CRCP: variants seen among roughly 807,000 people sequenced by gnomAD.
CRCP encodes DNA-directed RNA polymerase III subunit RPC9.
CRCP carries 18 observed loss-of-function variants against 18.5 expected under a neutral mutation model. The observed-to-expected ratio is 0.97, with a 90% CI of 0.67 to 1.44. The LOEUF (loss-of-function observed/expected upper bound fraction) is 1.44. Among genes scored for constraint, CRCP ranks in the 40% most tolerant of loss-of-function variants. CRCP has a pLI of 0.00. For synonymous variants in CRCP, 53 were observed against 62.9 expected (o/e 0.84, Z 0.75); for missense variants, 130 against 176.4 (o/e 0.74, Z 1.49).
intron 1 of CRCP, among the ~76,000 whole-genome samples, chr7:66,116,324 G>A (rs1787260464): frequency 6.6e-6 from 1 of 151,258 alleles, no homozygotes; most frequent in Admixed American, 6.6e-5. Flanking sequence ...GGGAGACCCT[G>A]TCTCTGCAAA....
chr7:66,153,675 A>G lies in CRCP; in HGVS notation c.*1318A>G, dbSNP rs1024487666. On this transcript the variant is annotated 3_prime_UTR_variant, in exon 6 of 6. Transcript: ENST00000395326. ...TGCTAATTGGATTACTTCTCTTCCAACCCTCCTGCCCGTCCATCCATCCCA... is the reference window on the plus strand; with the variant it reads ...TGCTAATTGGATTACTTCTCTTCCAGCCCTCCTGCCCGTCCATCCATCCCA... The G allele has an allele frequency of 1.3e-5, 2 of 151,708 alleles. No individual in the cohort carries two copies. Among genetic ancestry groups the G allele is most frequent in the African/African-American group, 2.4e-5 (1 of 41,262 alleles). 9.4% of individuals were successfully genotyped at this position (151,708 alleles called of 1,614,324 possible). A position where few individuals can be genotyped will look rare whatever the true frequency, so the allele number is the denominator to read the frequency against.
intron 5 of CRCP, among the ~76,000 whole-genome samples, 169 bp from the exon 6 acceptor site, chr7:66,152,039 G>A (rs1562775145): frequency 6.6e-6 from 1 of 152,154 alleles, no homozygotes; most frequent in Admixed American, 6.6e-5. Context: ...AGTCCAGGAT[G>A]TGACTTGGCT....
At position 66,152,201 on chromosome 7, in the gene CRCP, T is replaced by C; in HGVS notation, c.298-7T>C. 3 of 1,613,954 alleles carry C rather than the reference T, an allele frequency of 1.9e-6. No individual in the cohort carries two copies. Among genetic ancestry groups the C allele is most frequent in the East Asian group, 2.2e-5 (1 of 44,886 alleles). ...GTAACCCTGGAGGATTTTCTTTCCT[T>C]CTGCAGATGGTGGAAGAGAGTGAAG... On this transcript the variant is annotated splice_region_variant and splice_polypyrimidine_tract_variant and intron_variant, in intron 5 of 5. Transcript: ENST00000395326.
At chr7:66,146,246 G>A (rs316322) in intron 5 of CRCP, among the ~76,000 whole-genome samples, 51 of 152,052 alleles carry the variant, frequency 3.4e-4, no homozygotes, top group Admixed American at 3.1e-3. Flanking sequence ...TGTGAAGTCC[G>A]CTTTGTACTG....
intron 5 of CRCP, among the ~76,000 whole-genome samples, chr7:66,150,354 G>GAATCTCTGTCTAAAAAAAAAAA (rs57066308): frequency 6.8e-6 from 1 of 146,526 alleles, no homozygotes. Context: ...CAACAAGAGT[G>GAATCTCTGTCTAAAAAAAAAAA]AAGGGGGGGA....
At chr7:66,151,757 T>TC (rs1788481200) in intron 5 of CRCP, among the ~76,000 whole-genome samples, 1 of 143,660 alleles carries the variant, frequency 7.0e-6, no homozygotes, top group African/African-American at 2.6e-5. Context: ...CTTTTCTTTT[T>TC]TTTTTTTTTT....
chr7:66,130,559 A>G (rs942185058), intron 2 of CRCP, among the ~76,000 whole-genome samples, 185 bp from the exon 3 acceptor site: 2 of 152,226 alleles, frequency 1.3e-5, no homozygotes, highest in African/African-American at 4.8e-5. Context: ...ATATAAAAGA[A>G]CATTTTTTAA....
rs538197442 is a variant in CRCP, at chr7:66,149,831, G to A, written c.298-2377G>A. Among the ~76,000 whole-genome samples the A allele has an allele frequency of 2.6e-5, 4 of 152,160 alleles. No homozygotes were observed. In the South Asian group the frequency reaches 8.3e-4, roughly 32 times the overall value. ...CACCTTTTTTTTCCCCAAAGAGAGT[G>A]GGTCTTACTCTGTCACCCAGGCTGG... On this transcript the variant is annotated intron_variant, in intron 5 of 5. Coordinates refer to ENST00000395326, the MANE Select transcript of CRCP (RefSeq NM_014478.5).
At chr7:66,143,403 C>A (rs1292773013) in intron 4 of CRCP, among the ~76,000 whole-genome samples, 1 of 152,186 alleles carries the variant, frequency 6.6e-6, no homozygotes, top group Admixed American at 6.5e-5. Context: ...GACTCTTTCA[C>A]CCCATGTCCC....
At chr7:66,149,111 T>C (rs958726319) in intron 5 of CRCP, among the ~76,000 whole-genome samples, 12 of 152,350 alleles carry the variant, frequency 7.9e-5, no homozygotes, top group Non-Finnish European at 1.8e-4. Context: ...ATACTTTGGA[T>C]TTTTAAGTTT....
intron 2 of CRCP, among the ~76,000 whole-genome samples, chr7:66,129,879 G>A (rs1158453021): frequency 6.6e-6 from 1 of 152,006 alleles, no homozygotes; most frequent in Non-Finnish European, 1.5e-5. Flanking sequence ...CACTTCTGTG[G>A]TAGAATCTCT....
At chr7:66,133,553 A>G (rs13310597) in intron 3 of CRCP, among the ~76,000 whole-genome samples, 15,650 of 151,516 alleles carry the variant, frequency 0.1, 1,001 homozygotes, top group South Asian at 0.2. Flanking sequence ...AAAAAAAAAA[A>G]AAAAAGAAAA....
intron 1 of CRCP, among the ~76,000 whole-genome samples, chr7:66,126,884 A>G (rs1787632000): frequency 1.3e-5 from 2 of 150,012 alleles, no homozygotes; most frequent in Admixed American, 1.3e-4. Flanking sequence ...TAGGAAATGT[A>G]AGCATAATGA....
At chr7:66,140,826 C>G (rs1372773554) in intron 4 of CRCP, among the ~76,000 whole-genome samples, 1 of 152,128 alleles carries the variant, frequency 6.6e-6, no homozygotes, top group Non-Finnish European at 1.5e-5. Flanking sequence ...GTATTGCTTC[C>G]TAAGCCCAAC....
chr7:66,135,691 G>T (rs142094993), intron 4 of CRCP, among the ~76,000 whole-genome samples: 5,478 of 152,260 alleles, frequency 0.036, 150 homozygotes, highest in East Asian at 0.076. Context: ...GGGAGGCTGA[G>T]GTGGGTGGAT....
chr7:66,145,966 C>T (rs769850000), intron 5 of CRCP, among the ~76,000 whole-genome samples: 32 of 152,300 alleles, frequency 2.1e-4, no homozygotes, highest in Middle Eastern at 3.4e-3. Flanking sequence ...CCTCCCACGC[C>T]GGAAACCTGC....
intron 3 of CRCP, 146 bp downstream of exon 3, chr7:66,130,988 T>G: frequency 1.7e-6 from 1 of 605,370 alleles, no homozygotes; most frequent in Non-Finnish European, 3.0e-6. Context: ...GTTTGTTTGT[T>G]TTTTGACACA....
In CRCP at chr7:66,138,871, T is replaced by G. The variant is rs2115988311; in HGVS notation, c.239+4497T>G. 3.0e-5 allele frequency among the ~76,000 whole-genome samples: 3 copies of G among 98,706 alleles called. 1 individual carries two copies. The South Asian group carries it at 8.0e-4, about 26-fold the overall frequency. The allele number at this position is 98,706 out of a possible 152,430, so 64.8% of individuals were successfully genotyped here. ...CTTCAATAATTTGATAATGATATAT[T>G]TCAGCTTTTTTTTCCCCAGTTTATT... On this transcript the variant is annotated intron_variant, in intron 4 of 5. Coordinates refer to ENST00000395326, the MANE Select transcript of CRCP (RefSeq NM_014478.5).
intron 4 of CRCP, among the ~76,000 whole-genome samples, chr7:66,142,648 G>C (rs1204673446): frequency 6.6e-6 from 1 of 152,172 alleles, no homozygotes; most frequent in Non-Finnish European, 1.5e-5. Flanking sequence ...ATGCCACCAT[G>C]CTTGGCTAAT....
Sources: allele counts gnomAD v4.1 joint callset (sites outside exome capture counted in the v4.1 genomes callset), GRCh38; gene constraint gnomAD v4.1.1; transcripts MANE v1.5; gene names NCBI Gene and HGNC (gene_info 2026-07-23, HGNC 2026-07-21).